The following PRORP variants were observed in gnomAD, a reference collection of about 807,000 sequenced individuals.
PRORP encodes the protein mitochondrial ribonuclease P catalytic subunit.
A neutral mutation model predicts 59.4 loss-of-function variants in PRORP; 51 were observed. The ratio of observed to expected loss-of-function variants is 0.86; its 90% CI spans 0.69 to 1.08. The LOEUF (loss-of-function observed/expected upper bound fraction) is 1.08, where lower values mean the gene tolerates loss of function less well. PRORP is among the 50% of genes least tolerant of loss of function. The probability of loss-of-function intolerance (pLI) is 0.00; values close to 1 mark genes in which losing one functional copy is unlikely to be tolerated. For synonymous variants in PRORP, 231 were observed against 245.6 expected, an observed-to-expected ratio of 0.94 and a Z score of 0.55; for missense variants, 646 against 690.3, an observed-to-expected ratio of 0.94 and a Z score of 0.72.
intron 5 of PRORP, among the ~76,000 whole-genome samples, chr14:35,200,420 G>T (rs2049118452): frequency 6.6e-6 from 1 of 152,104 alleles, no homozygotes. Context: ...TTGAACTCCT[G>T]ACCTCGTGAT....
intron 5 of PRORP, among the ~76,000 whole-genome samples, chr14:35,254,551 C>A (rs1024900038): frequency 6.6e-6 from 1 of 152,164 alleles, no homozygotes; most frequent in East Asian, 1.9e-4. Flanking sequence ...CGCCACCACT[C>A]GCAGCTAATT....
chr14:35,214,939 C>A (rs150509380), intron 5 of PRORP, among the ~76,000 whole-genome samples: 181 of 152,194 alleles, frequency 1.2e-3, no homozygotes, highest in Middle Eastern at 3.4e-3. Flanking sequence ...TCTTGAGTGC[C>A]TTTTGAGTAT....
intron 5 of PRORP, among the ~76,000 whole-genome samples, chr14:35,225,778 G>C (rs2049918388): frequency 6.6e-6 from 1 of 152,110 alleles, no homozygotes; most frequent in African/African-American, 2.4e-5. Context: ...TGGGCACAGT[G>C]GCTCACACCT....
intron 6 of PRORP, 135 bp downstream of exon 6, chr14:35,267,010 T>G: frequency 1.2e-6 from 1 of 821,146 alleles, no homozygotes; most frequent in Non-Finnish European, 1.8e-6. Context: ...AAAAAAGATT[T>G]GAGACAACTT....
At chr14:35,255,655 A>G (rs879261540) in intron 5 of PRORP, among the ~76,000 whole-genome samples, 1 of 152,204 alleles carries the variant, frequency 6.6e-6, no homozygotes, top group Non-Finnish European at 1.5e-5. Context: ...CTGGGACTAC[A>G]TGCATGTACC....
chr14:35,273,156 C>T (rs778189665), intron 7 of PRORP, among the ~76,000 whole-genome samples: 10 of 152,210 alleles, frequency 6.6e-5, no homozygotes, highest in Non-Finnish European at 1.0e-4. Context: ...CTCTCACACA[C>T]AAAACTGATA....
At position 35,181,089 on chromosome 14, in the gene PRORP, C is replaced by T. The variant is rs189725474; in HGVS notation, c.1275+312C>T. 1.4e-3 allele frequency among the ~76,000 whole-genome samples: 213 copies of T among 152,154 alleles called. 1 individual carries two copies. The highest frequency in any genetic ancestry group is 4.8e-3 in the African/African-American group (201 of 41,518). On this transcript the variant is annotated intron_variant, in intron 5 of 7. Coordinates refer to ENST00000534898, the MANE Select transcript of PRORP (RefSeq NM_014672.4). ...TGGGTCTCTGCTTTCTCTTTGGGGT[C>T]GCTCTGTCATTTCCCTTTGGGTCAT... is the stretch of plus-strand genomic sequence containing the variant.
At chr14:35,194,464 A>G (rs1401269863) in intron 5 of PRORP, among the ~76,000 whole-genome samples, 2 of 152,148 alleles carry the variant, frequency 1.3e-5, no homozygotes. Flanking sequence ...GTCCTCACTC[A>G]TAAGTACAAG....
At position 35,273,665 on chromosome 14, in the gene PRORP, G is replaced by C; in HGVS notation, c.*99G>C. The C allele has an allele frequency of 9.5e-7, 1 of 1,048,810 alleles. No homozygotes were observed. Among genetic ancestry groups the C allele is most frequent in the South Asian group, 2.0e-5 (1 of 49,702 alleles). The allele number at this position is 1,048,810 out of a possible 1,614,324, so 65.0% of individuals were successfully genotyped here. ...TTGTTTAGGGCATTGCCTCTGTCCT[G>C]AAGATAAAAGGATTCTATTAACAGC... On this transcript the variant is annotated 3_prime_UTR_variant, in exon 8 of 8. Transcript: ENST00000534898.
At chr14:35,249,291 G>A (rs931209039) in intron 5 of PRORP, among the ~76,000 whole-genome samples, 18 of 152,050 alleles carry the variant, frequency 1.2e-4, no homozygotes, top group Non-Finnish European at 2.4e-4. Context: ...CACATAAAAA[G>A]TGAAGATGGG....
chr14:35,216,476 T>C (rs975842443), intron 5 of PRORP, among the ~76,000 whole-genome samples: 1 of 152,076 alleles, frequency 6.6e-6, no homozygotes, highest in Non-Finnish European at 1.5e-5. Flanking sequence ...ACCTGGCTAA[T>C]TTTTTTATTT....
At chr14:35,163,902 G>A (rs2138961276) in intron 4 of PRORP, among the ~76,000 whole-genome samples, 1 of 152,236 alleles carries the variant, frequency 6.6e-6, no homozygotes, top group East Asian at 1.9e-4. Flanking sequence ...TATAGTTTGA[G>A]GGTATACATT....
chr14:35,246,909 T>C (rs968937620), intron 5 of PRORP, among the ~76,000 whole-genome samples: 10 of 152,190 alleles, frequency 6.6e-5, no homozygotes, highest in African/African-American at 2.4e-4. Context: ...GATTGGGAGC[T>C]CTAAATTCCC....
At chr14:35,200,469 T>C (rs1202445352) in intron 5 of PRORP, among the ~76,000 whole-genome samples, 1 of 152,106 alleles carries the variant, frequency 6.6e-6, no homozygotes, top group Admixed American at 6.6e-5. Flanking sequence ...GGATTACAGG[T>C]GTGAGCCACC....
chr14:35,124,616 C>G (rs2047049996), intron 2 of PRORP, among the ~76,000 whole-genome samples: 1 of 150,396 alleles, frequency 6.6e-6, no homozygotes, highest in Admixed American at 6.7e-5. Flanking sequence ...TAATCTTTAC[C>G]CATCACATAA....
chr14:35,201,631 T>TTTTATTTATTTATTTATTTA (rs762557804), intron 5 of PRORP, among the ~76,000 whole-genome samples: 6 of 151,586 alleles, frequency 4.0e-5, no homozygotes, highest in African/African-American at 1.5e-4. Flanking sequence ...GTATACAAAA[T>TTTTATTTATTTATTTATTTA]TTTATTTATT....
intron 5 of PRORP, chr14:35,263,077 G>T: frequency 7.5e-7 from 1 of 1,329,314 alleles, no homozygotes; most frequent in South Asian, 1.2e-5. Context: ...GATGCCGGAT[G>T]ATTCCTAAGA....
At chr14:35,151,937 T>C (rs2047762948) in intron 4 of PRORP, among the ~76,000 whole-genome samples, 1 of 148,134 alleles carries the variant, frequency 6.8e-6, no homozygotes, top group Non-Finnish European at 1.5e-5. Flanking sequence ...AATCCATCTT[T>C]TTTTTTTTTT....
intron 5 of PRORP, among the ~76,000 whole-genome samples, chr14:35,227,949 C>G (rs2049977719): frequency 6.6e-6 from 1 of 151,984 alleles, no homozygotes; most frequent in African/African-American, 2.4e-5. Context: ...TCGAGACCAG[C>G]CTGGCCAATA....
Sources: allele counts gnomAD v4.1 joint callset (sites outside exome capture counted in the v4.1 genomes callset), GRCh38; gene constraint gnomAD v4.1.1; transcripts MANE v1.5; gene names NCBI Gene and HGNC (gene_info 2026-07-23, HGNC 2026-07-21).